BAIAP2L1: variants seen among roughly 807,000 people sequenced by gnomAD.
The protein encoded by BAIAP2L1 is BAR/IMD domain containing adaptor protein 2 like 1, also known as BAR/IMD domain-containing adapter protein 2-like 1.
In BAIAP2L1, 35 loss-of-function variants were observed where a neutral mutation model predicts 66.3. The ratio of observed to expected loss-of-function variants is 0.53; its 90% CI spans 0.40 to 0.70. BAIAP2L1 has a LOEUF of 0.70. BAIAP2L1 is among the 30% of genes least tolerant of loss of function. The pLI, the probability that BAIAP2L1 is intolerant of heterozygous loss-of-function variation, is 0.00. For synonymous variants in BAIAP2L1, 269 were observed against 248.7 expected (o/e 1.08, Z -0.77); for missense variants, 622 against 656.9 (o/e 0.95, Z 0.58).
At chr7:98,369,069 G>C (rs1447392697) in intron 1 of BAIAP2L1, among the ~76,000 whole-genome samples, 4 of 147,308 alleles carry the variant, frequency 2.7e-5, no homozygotes, top group Admixed American at 6.8e-5. Flanking sequence ...TTTCAGAACA[G>C]CTGCACCATT....
intron 1 of BAIAP2L1, among the ~76,000 whole-genome samples, chr7:98,398,081 A>G (rs886119028): frequency 7.2e-5 from 11 of 152,320 alleles, no homozygotes; most frequent in Middle Eastern, 6.8e-3. Flanking sequence ...CTGAGTATTT[A>G]AAAACAAAAA....
intron 3 of BAIAP2L1, among the ~76,000 whole-genome samples, chr7:98,351,034 T>A (rs1342669979): frequency 6.6e-6 from 1 of 151,616 alleles, no homozygotes; most frequent in Non-Finnish European, 1.5e-5. Context: ...TTTTTTGGTA[T>A]TTTTTTTAGT....
intron 3 of BAIAP2L1, among the ~76,000 whole-genome samples, chr7:98,327,119 G>C (rs908600850): frequency 1.1e-4 from 16 of 152,026 alleles, no homozygotes; most frequent in African/African-American, 3.9e-4. Context: ...CCAGTGCTCT[G>C]GGAGGCCAAG....
chr7:98,360,258 G>A (rs1037468606), intron 2 of BAIAP2L1, among the ~76,000 whole-genome samples: 2 of 151,698 alleles, frequency 1.3e-5, no homozygotes, highest in Non-Finnish European at 2.9e-5. Flanking sequence ...TAGTGACGGG[G>A]TCTCGAATTC....
chr7:98,386,853 CTG>C (rs1802905976), intron 1 of BAIAP2L1, among the ~76,000 whole-genome samples: 1 of 151,898 alleles, frequency 6.6e-6, no homozygotes, highest in Admixed American at 6.6e-5. Context: ...GCGCCCGCCA[CTG>C]CACCCAACTA....
intron 12 of BAIAP2L1, among the ~76,000 whole-genome samples, chr7:98,303,045 A>G (rs1473001684): frequency 1.3e-5 from 2 of 152,182 alleles, no homozygotes; most frequent in African/African-American, 4.8e-5. Flanking sequence ...TTGGCCTCCC[A>G]AAGTGTTGGA....
At chr7:98,315,329 T>C (rs1325344250) in intron 7 of BAIAP2L1, 131 bp downstream of exon 7, 3 of 799,708 alleles carry the variant, frequency 3.8e-6, no homozygotes, top group African/African-American at 1.8e-5. Flanking sequence ...AGTTTTGCCA[T>C]GTTGCCCAGG....
rs57033582 is a variant in BAIAP2L1, at chr7:98,343,248, T to TACACACACAC, written c.214+11784_214+11793dup. ...CCCTGTCTCTACTGGAAAAAAAAAA[T>TACACACACAC]ACACACACACACACACACACACACA... On this transcript the variant is annotated intron_variant, in intron 3 of 13. Transcript: ENST00000005260. 3.6e-3 allele frequency among the ~76,000 whole-genome samples: 466 copies of TACACACACAC among 128,586 alleles called. 2 individuals are homozygous for TACACACACAC. The highest frequency in any genetic ancestry group is 9.0e-3 in the Admixed American group (112 of 12,394). 84.4% of individuals were successfully genotyped at this position (128,586 alleles called of 152,430 possible).
chr7:98,314,312 T>A (rs968750293), intron 7 of BAIAP2L1, among the ~76,000 whole-genome samples: 2 of 152,168 alleles, frequency 1.3e-5, no homozygotes, highest in Admixed American at 6.5e-5. Context: ...GTAAAAAGTT[T>A]ATAGAAAATA....
At chr7:98,339,073 T>TAA (rs34884828) in intron 3 of BAIAP2L1, among the ~76,000 whole-genome samples, 1,538 of 126,662 alleles carry the variant, frequency 0.012, 12 homozygotes, top group Non-Finnish European at 0.017. Flanking sequence ...ACTCTGTCTT[T>TAA]AAAAAAAAAA....
intron 2 of BAIAP2L1, among the ~76,000 whole-genome samples, chr7:98,358,311 A>G (rs542462982): frequency 1.7e-5 from 2 of 118,398 alleles, no homozygotes; most frequent in South Asian, 7.1e-4. Context: ...GCACATTAAG[A>G]TATTTTCTAC....
chr7:98,335,511 G>C (rs377318901), intron 3 of BAIAP2L1, among the ~76,000 whole-genome samples: 8 of 152,326 alleles, frequency 5.3e-5, no homozygotes, highest in African/African-American at 1.7e-4. Context: ...TGGGGACCAA[G>C]TCTTATTAAT....
At position 98,352,226 on chromosome 7, in the gene BAIAP2L1, A is replaced by G. The variant is rs1001619886; in HGVS notation, c.214+2816T>C. ...ACTCCTCCTGAGATAGCATTGTACC[A>G]TGGAATTGTTCGAAACGAGAAGAAA... On this transcript the variant is annotated intron_variant, in intron 3 of 13. Transcript: ENST00000005260. Among the ~76,000 whole-genome samples the G allele has an allele frequency of 4.6e-5, 7 of 152,336 alleles. No individual in the cohort carries two copies. In the East Asian group the frequency reaches 1.3e-3, roughly 29 times the overall value.
chr7:98,306,329 G>C, intron 11 of BAIAP2L1, 110 bp downstream of exon 11: 1 of 1,307,404 alleles, frequency 7.6e-7, no homozygotes, highest in Non-Finnish European at 1.1e-6. Context: ...TAGTCCACGA[G>C]AGCTGAGGCT....
In BAIAP2L1 at chr7:98,328,705, T is replaced by G. The variant is rs529194408; in HGVS notation, c.215-8407A>C. Reference sequence around the variant, plus strand: ...AAAAAAAAAAAAAAAAAAAAATTCATGATACACACCAACAAAAATGTGCCC... The same window carrying G: ...AAAAAAAAAAAAAAAAAAAAATTCAGGATACACACCAACAAAAATGTGCCC... On this transcript the variant is annotated intron_variant, in intron 3 of 13. Transcript: ENST00000005260. Among the ~76,000 whole-genome samples the G allele has an allele frequency of 6.6e-5, 10 of 150,682 alleles. 1 individual carries two copies. The highest frequency in any genetic ancestry group is 3.3e-4 in the Admixed American group (5 of 15,088).
intron 11 of BAIAP2L1, among the ~76,000 whole-genome samples, chr7:98,304,838 T>C (rs6465665): frequency 0.4 from 61,143 of 151,014 alleles, 13,332 homozygotes; most frequent in Middle Eastern, 0.54. Context: ...ATGTTTTTAG[T>C]GGTTTCTAAA....
At position 98,307,692 on chromosome 7, in the gene BAIAP2L1, T is replaced by C. The variant is rs76352870; in HGVS notation, c.1160A>G (p.Lys387Arg). The C allele has an allele frequency of 6.2e-4, 1,007 of 1,613,926 alleles. 5 individuals are homozygous for C. The African/African-American group carries it at 0.012, about 19-fold the overall frequency. ...GWLYGEHDVS[K>R]ARGWFPSSYT... ...GGACCATCACGCCCAGACTTACGCC[T>C]TGGACACGTCGTGTTCTCCATAGAG... Residue 387 changes from lysine to arginine, a missense_variant, in exon 10 of 14, where the codon AAG becomes AGG. Lys to Arg is a conservative substitution (Grantham distance 26). Transcript: ENST00000005260.
chr7:98,293,706 TC>T, intron 13 of BAIAP2L1, 110 bp from the exon 14 acceptor site: 2 of 1,054,998 alleles, frequency 1.9e-6, no homozygotes, highest in African/African-American at 1.5e-5. Flanking sequence ...GCTGACCACC[TC>T]CCCAGCTTGT....
chr7:98,359,471 C>T lies in BAIAP2L1; in HGVS notation c.127+2886G>A, dbSNP rs557520191. ...TATCTTTAGCAGAGACGGGGTTTCA[C>T]CATGTTGGCCAGCCTGGTCTCAATC... On this transcript the variant is annotated intron_variant, in intron 2 of 13. Coordinates refer to ENST00000005260, the MANE Select transcript of BAIAP2L1 (RefSeq NM_018842.5). Among the ~76,000 whole-genome samples, 3 of 152,266 alleles carry T rather than the reference C, an allele frequency of 2.0e-5. No homozygotes were observed. In the East Asian group the frequency reaches 5.8e-4, roughly 30 times the overall value.
Sources: allele counts gnomAD v4.1 joint callset (sites outside exome capture counted in the v4.1 genomes callset), GRCh38; gene constraint gnomAD v4.1.1; transcripts MANE v1.5; gene names NCBI Gene and HGNC (gene_info 2026-07-23, HGNC 2026-07-21).